Variants in PLA2R1 observed in about 807,000 individuals in gnomAD.
PLA2R1 encodes phospholipase A2 receptor 1.
In PLA2R1, 158 loss-of-function variants were observed where a neutral mutation model predicts 195.9. The ratio of observed to expected loss-of-function variants is 0.81; its 90% CI spans 0.71 to 0.92. The LOEUF (loss-of-function observed/expected upper bound fraction) is 0.92, where lower values mean the gene tolerates loss of function less well. Ranked by LOEUF, PLA2R1 falls within the 40% of genes least tolerant of loss-of-function variation. PLA2R1 has a pLI of 0.00. For missense variants in PLA2R1, 1,626 were observed against 1,764.6 expected, an observed-to-expected ratio of 0.92 and a Z score of 1.41; for synonymous variants, 586 against 598.2, an observed-to-expected ratio of 0.98 and a Z score of 0.30.
intron 28 of PLA2R1, among the ~76,000 whole-genome samples, chr2:159,942,776 T>C (rs1687157614): frequency 1.3e-5 from 2 of 152,196 alleles, no homozygotes; most frequent in Non-Finnish European, 1.5e-5. Flanking sequence ...TATCAAAATG[T>C]GAACTCTTCT....
chr2:160,040,787 T>A (rs1034170250), intron 3 of PLA2R1, among the ~76,000 whole-genome samples: 1 of 152,240 alleles, frequency 6.6e-6, no homozygotes, highest in Non-Finnish European at 1.5e-5. Flanking sequence ...AAATCATGGA[T>A]TCAGAAGTGT....
At chr2:159,992,901 C>T (rs1450047254) in intron 11 of PLA2R1, among the ~76,000 whole-genome samples, 2 of 152,048 alleles carry the variant, frequency 1.3e-5, no homozygotes, top group South Asian at 2.1e-4. Context: ...GAATGAAACA[C>T]GCCAGGGGTA....
chr2:160,054,408 T>C (rs1196952648), intron 1 of PLA2R1, among the ~76,000 whole-genome samples: 3 of 152,236 alleles, frequency 2.0e-5, no homozygotes, highest in Admixed American at 1.3e-4. Context: ...ACTTTGAATA[T>C]GAATGGTGCC....
chr2:160,016,884 C>T (rs1356195857), intron 8 of PLA2R1, among the ~76,000 whole-genome samples, 172 bp from the exon 9 acceptor site: 2 of 152,122 alleles, frequency 1.3e-5, no homozygotes, highest in Non-Finnish European at 2.9e-5. Flanking sequence ...AGGGAAAGGC[C>T]CTTCTCTCCA....
In PLA2R1 at chr2:160,028,345, T is replaced by C. The variant is rs1693649393; in HGVS notation, c.972A>G (p.Pro324=). Residue 324 remains proline (P), a synonymous_variant, in exon 6 of 30, where the codon CCA becomes CCG. Coordinates refer to ENST00000283243, the MANE Select transcript of PLA2R1 (RefSeq NM_007366.5). ...ATGTTCCACAGTGATCTTCAACAAA[T>C]GGCTCAAAATTTACCTCTGAAAATA... The part of the protein sequence containing the change: ...LNWSPEVNFE[P]FVEDHCGTFS... 3.7e-6 allele frequency: 6 copies of C among 1,608,464 alleles called. No individual in the cohort carries two copies. Among genetic ancestry groups the C allele is most frequent in the African/African-American group, 2.7e-5 (2 of 74,772 alleles).
chr2:160,005,902 G>T, intron 10 of PLA2R1, 81 bp from the exon 11 acceptor site: 1 of 912,668 alleles, frequency 1.1e-6, no homozygotes, highest in South Asian at 1.5e-5. Context: ...GAAGTGCACA[G>T]AATGGCCCCA....
Position 160,033,075 on chromosome 2 carries a change from CA to C in PLA2R1, c.724del (p.Cys242AlafsTer27), listed in dbSNP as rs754555471. 6 of 1,613,368 alleles carry C rather than the reference CA, an allele frequency of 3.7e-6. No homozygotes were observed. The highest frequency in any genetic ancestry group is 1.7e-5 in the Admixed American group (1 of 59,916). The stretch of plus-strand genomic sequence containing the variant: ...AGATGAAAGCAGGTTGAACTGGTAG[CA>C]AATGTGTGAATTGAGGTCCTTCTCC... Reference protein sequence around the residue: ...IWEKDLNSHICYQFNLLSSLS... With the variant: ...IWEKDLNSHIXYQFNLLSSLS... On this transcript the variant is annotated frameshift_variant, in exon 4 of 30. Coordinates refer to ENST00000283243, the MANE Select transcript of PLA2R1 (RefSeq NM_007366.5). LOFTEE classifies it high-confidence loss of function.
intron 6 of PLA2R1, among the ~76,000 whole-genome samples, chr2:160,025,910 A>G (rs908024164): frequency 3.3e-5 from 5 of 152,218 alleles, no homozygotes; most frequent in African/African-American, 1.2e-4. Flanking sequence ...TACAAGTAGC[A>G]GATATGTAGG....
At chr2:159,942,039 T>G (rs748170394) in intron 29 of PLA2R1, 47 bp from the exon 30 acceptor site, 1 of 1,561,954 alleles carries the variant, frequency 6.4e-7, no homozygotes. Flanking sequence ...TCAGTGGCGA[T>G]GAAGTAATAT....
rs765028403 is a variant in PLA2R1, at chr2:159,967,640, T to C, written c.2803A>G (p.Ser935Gly). Residue 935 changes from serine (S) to glycine (G), a missense_variant, in exon 20 of 30, where the codon AGT becomes GGT. Ser to Gly is a moderately conservative substitution (Grantham distance 56). Coordinates refer to ENST00000283243, the MANE Select transcript of PLA2R1 (RefSeq NM_007366.5). ...GSEECSVSMP[S>G]ICKRKKVWLI... ...CAAACCTTTTTTCGCTTACAGATAC[T>C]AGGCATAGAAACTGAACACTCTTCA... 3.1e-6 allele frequency: 5 copies of C among 1,613,572 alleles called. No individual in the cohort carries two copies. The highest frequency in any genetic ancestry group is 1.6e-4 in the Middle Eastern group (1 of 6,082).
chr2:160,055,937 C>G lies in PLA2R1; in HGVS notation c.109+6358G>C, dbSNP rs140790181. Among the ~76,000 whole-genome samples, 39 of 152,250 alleles carry G rather than the reference C, an allele frequency of 2.6e-4. No homozygotes were observed. In the East Asian group the frequency reaches 6.7e-3, roughly 26 times the overall value. ...GCCGCCTCCAGGTAGTGGCTCTCAT[C>G]GCCCTCTTTCAGAAGGTGGCAGCTA... On this transcript the variant is annotated intron_variant, in intron 1 of 29. Coordinates refer to ENST00000283243, the MANE Select transcript of PLA2R1 (RefSeq NM_007366.5).
rs555227452 is a variant in PLA2R1, at chr2:159,979,965, T to C, written c.2184-51A>G. 28 of 1,111,198 alleles carry C rather than the reference T, an allele frequency of 2.5e-5. No homozygotes were observed. In the African/African-American group the frequency reaches 3.9e-4, roughly 15 times the overall value. The allele number at this position is 1,111,198 out of a possible 1,614,324, so 68.8% of individuals were successfully genotyped here. On this transcript the variant is annotated intron_variant, in intron 13 of 29. Coordinates refer to ENST00000283243, the MANE Select transcript of PLA2R1 (RefSeq NM_007366.5). ...TGCCTTTCCCATCAAATTTACAGCA[T>C]TATGTGAAAGGTTCAAAAAATACCA...
intron 23 of PLA2R1, among the ~76,000 whole-genome samples, chr2:159,954,803 C>T (rs754494746): frequency 7.9e-5 from 12 of 152,118 alleles, no homozygotes; most frequent in South Asian, 2.1e-4. Context: ...CATTTAGCCA[C>T]AGAGACCATT....
chr2:159,981,253 T>C (rs990370751), intron 13 of PLA2R1, among the ~76,000 whole-genome samples: 1 of 150,616 alleles, frequency 6.6e-6, no homozygotes, highest in Non-Finnish European at 1.5e-5. Flanking sequence ...GTCTGATTAA[T>C]AAAATAGAAA....
chr2:159,955,113 A>AT (rs1375818756), intron 23 of PLA2R1, 86 bp downstream of exon 23: 2 of 979,918 alleles, frequency 2.0e-6, no homozygotes, highest in African/African-American at 3.3e-5. Context: ...TGTTAGCTAC[A>AT]TTAGCTACAC....
At chr2:159,929,310 A>G (rs1457222567), downstream of PLA2R1, among the ~76,000 whole-genome samples, 1 of 152,158 alleles carries the variant, frequency 6.6e-6, no homozygotes, top group African/African-American at 2.4e-5. Context: ...TAGCAAGGAA[A>G]AAACAATCCC....
intron 11 of PLA2R1, among the ~76,000 whole-genome samples, chr2:159,999,740 T>C (rs1200495729): frequency 6.6e-6 from 1 of 152,110 alleles, no homozygotes; most frequent in African/African-American, 2.4e-5. Flanking sequence ...AATTATGCAA[T>C]AGGGTTATAG....
intron 18 of PLA2R1, among the ~76,000 whole-genome samples, chr2:159,969,658 T>C (rs1333634435): frequency 6.6e-6 from 1 of 152,088 alleles, no homozygotes; most frequent in Non-Finnish European, 1.5e-5. Flanking sequence ...TCTCCTACCT[T>C]AGCCCCCCCA....
downstream of PLA2R1, among the ~76,000 whole-genome samples, chr2:159,931,661 C>A (rs1260573928): frequency 1.3e-5 from 2 of 152,186 alleles, no homozygotes; most frequent in African/African-American, 2.4e-5. Context: ...CTCAGCCTCC[C>A]AAGTAGCTGT....
Sources: allele counts gnomAD v4.1 joint callset (sites outside exome capture counted in the v4.1 genomes callset), GRCh38; gene constraint gnomAD v4.1.1; transcripts MANE v1.5; gene names NCBI Gene and HGNC (gene_info 2026-07-23, HGNC 2026-07-21).